The following ELAVL4 variants were observed in gnomAD, a reference collection of about 807,000 sequenced individuals.
ELAVL4 encodes the protein ELAV like RNA binding protein 4, also known as ELAV-like protein 4.
In ELAVL4, 1 loss-of-function variant was observed where a neutral mutation model predicts 35.6. That is an observed-to-expected ratio of 0.03 (90% confidence interval 0.01 to 0.13). ELAVL4 has a LOEUF of 0.13. Ranked by LOEUF, ELAVL4 falls within the 10% of genes least tolerant of loss-of-function variation. The probability of loss-of-function intolerance (pLI) is 1.00; values close to 1 mark genes in which losing one functional copy is unlikely to be tolerated. For missense variants in ELAVL4, 267 were observed against 464.9 expected (o/e 0.57, Z 3.91); for synonymous variants, 156 against 171.0 (o/e 0.91, Z 0.69).
chr1:50,189,903 G>C (rs1682410241), intron 3 of ELAVL4, among the ~76,000 whole-genome samples: 1 of 152,220 alleles, frequency 6.6e-6, no homozygotes, highest in East Asian at 1.9e-4. Flanking sequence ...CCCACAGTCA[G>C]GGATCATAAG....
intron 1 of ELAVL4, among the ~76,000 whole-genome samples, chr1:50,064,795 C>A (rs1245977504): frequency 6.6e-6 from 1 of 152,136 alleles, no homozygotes; most frequent in Non-Finnish European, 1.5e-5. Context: ...CTGTTTATTC[C>A]ATTCATTTGA....
rs552749460 is a variant in ELAVL4 at position 50,122,450 on chromosome 1, T to G, written c.9+13252T>G. Among the ~76,000 whole-genome samples, 3 of 152,240 alleles carry G rather than the reference T, an allele frequency of 2.0e-5. No individual in the cohort carries two copies. In the East Asian group the frequency reaches 5.8e-4, roughly 29 times the overall value. On this transcript the variant is annotated intron_variant, in intron 1 of 6. Transcript: ENST00000371824. ...TTATTACATTGAATTGAAGTTGGAT[T>G]AATTCTCCTCTAGGGATTAGGGAAC...
At chr1:50,164,945 G>T (rs1677475827) in intron 2 of ELAVL4, among the ~76,000 whole-genome samples, 1 of 152,180 alleles carries the variant, frequency 6.6e-6, no homozygotes, top group Non-Finnish European at 1.5e-5. Flanking sequence ...AAAGAGAAAT[G>T]AATAAAGCAG....
At chr1:50,184,948 T>C (rs1008499736) in intron 3 of ELAVL4, among the ~76,000 whole-genome samples, 4 of 152,232 alleles carry the variant, frequency 2.6e-5, no homozygotes, top group Admixed American at 2.6e-4. Context: ...TATATTTGAA[T>C]TTAAATTAAT....
At chr1:50,052,450 G>A (rs1663435382) in intron 1 of ELAVL4, among the ~76,000 whole-genome samples, 1 of 152,164 alleles carries the variant, frequency 6.6e-6, no homozygotes, top group Admixed American at 6.5e-5. Flanking sequence ...GATCAAAAAA[G>A]ACAGCTGTGC....
chr1:50,100,445 C>T (rs1665922442), upstream of ELAVL4, among the ~76,000 whole-genome samples: 1 of 152,120 alleles, frequency 6.6e-6, no homozygotes. Context: ...TCCCCCTACC[C>T]CACCTCTATT....
intron 2 of ELAVL4, among the ~76,000 whole-genome samples, chr1:50,162,761 T>G (rs1023064504): frequency 6.6e-6 from 1 of 152,150 alleles, no homozygotes; most frequent in Non-Finnish European, 1.5e-5. Flanking sequence ...TTTTTGTACT[T>G]TTTGTAGAGA....
chr1:50,127,138 A>G lies in ELAVL4; in HGVS notation c.10-17819A>G, dbSNP rs370866727. 3.2e-4 allele frequency among the ~76,000 whole-genome samples: 48 copies of G among 152,154 alleles called. 1 individual carries two copies. In the South Asian group the frequency reaches 8.5e-3, roughly 27 times the overall value. On this transcript the variant is annotated intron_variant, in intron 1 of 6. Coordinates refer to ENST00000371824, the MANE Select transcript of ELAVL4 (RefSeq NM_001144774.3). ...GAAGCCTGATGGGTTGGAGATAAGGATGTCTCCTCCTATGTCCCCGTGTGC... is the reference window on the plus strand; with the variant it reads ...GAAGCCTGATGGGTTGGAGATAAGGGTGTCTCCTCCTATGTCCCCGTGTGC...
At chr1:50,144,770 TAGAA>T (rs764417632) in intron 1 of ELAVL4, 183 bp from the exon 2 acceptor site, 7 of 868,828 alleles carry the variant, frequency 8.1e-6, no homozygotes, top group East Asian at 2.4e-5. Context: ...GGCCTAAAAA[TAGAA>T]AGAGGAGTTT....
intron 1 of ELAVL4, among the ~76,000 whole-genome samples, chr1:50,119,303 G>T (rs973575006): frequency 2.6e-5 from 4 of 151,988 alleles, no homozygotes; most frequent in African/African-American, 9.7e-5. Flanking sequence ...GTAAAAAGCG[G>T]GAGGGACTTG....
At chr1:50,088,393 T>C (rs531065998) in intron 1 of ELAVL4, among the ~76,000 whole-genome samples, 1 of 152,308 alleles carries the variant, frequency 6.6e-6, no homozygotes, top group African/African-American at 2.4e-5. Flanking sequence ...GTGTAAACCA[T>C]CTGAACCATA....
In ELAVL4 at chr1:50,059,119, C is replaced by T. The variant is rs763569866; in HGVS notation, c.18+10937C>T. Among the ~76,000 whole-genome samples the T allele has an allele frequency of 1.8e-4, 28 of 151,982 alleles. 1 individual carries two copies. Among genetic ancestry groups the T allele is most frequent in the Admixed American group, 1.3e-4 (2 of 15,240 alleles). On this transcript the variant is annotated intron_variant, in intron 1 of 6. Coordinates refer to the ELAVL4 transcript ENST00000448907. Reference sequence around the variant, plus strand: ...TAATTAGCCAACATTTATTGAGTGCCTAGTAGAGTGGTATAAATAAAAATT... The same window carrying T: ...TAATTAGCCAACATTTATTGAGTGCTTAGTAGAGTGGTATAAATAAAAATT...
At chr1:50,133,363 A>G (rs1044456680) in intron 1 of ELAVL4, among the ~76,000 whole-genome samples, 3 of 152,090 alleles carry the variant, frequency 2.0e-5, no homozygotes, top group Admixed American at 2.0e-4. Flanking sequence ...CAAATAATTC[A>G]AAGGCACACT....
intron 1 of ELAVL4, among the ~76,000 whole-genome samples, chr1:50,133,556 C>G (rs1477448909): frequency 1.5e-5 from 2 of 129,698 alleles, no homozygotes; most frequent in Non-Finnish European, 3.2e-5. Flanking sequence ...ACATTTATCT[C>G]TTATAAAAAG....
chr1:50,082,095 T>C (rs1665037197), intron 1 of ELAVL4, among the ~76,000 whole-genome samples: 1 of 152,206 alleles, frequency 6.6e-6, no homozygotes, highest in African/African-American at 2.4e-5. Flanking sequence ...GGCATTTGGG[T>C]TGGTTCCAAG....
At chr1:50,070,257 G>A (rs1664450355) in intron 1 of ELAVL4, among the ~76,000 whole-genome samples, 1 of 152,134 alleles carries the variant, frequency 6.6e-6, no homozygotes, top group South Asian at 2.1e-4. Context: ...AACTTCAAAG[G>A]CCAGAGAGGG....
At chr1:50,156,574 C>T (rs575920661) in intron 2 of ELAVL4, among the ~76,000 whole-genome samples, 3 of 152,122 alleles carry the variant, frequency 2.0e-5, no homozygotes, top group Non-Finnish European at 4.4e-5. Context: ...TGGAAACTTA[C>T]GTTTACTAAG....
rs754018830 is a variant in ELAVL4, at chr1:50,202,067, G to A, written c.*889G>A. On this transcript the variant is annotated 3_prime_UTR_variant, in exon 7 of 7. Coordinates refer to ENST00000371824, the MANE Select transcript of ELAVL4 (RefSeq NM_001144774.3). Reference sequence around the variant, plus strand: ...AAGATGTGTGTTTTAAACTGGATTCGTAGACTGTTTTTTGAAGGATGGGCT... The same window carrying A: ...AAGATGTGTGTTTTAAACTGGATTCATAGACTGTTTTTTGAAGGATGGGCT... 4.6e-5 allele frequency: 7 copies of A among 152,064 alleles called. No individual in the cohort carries two copies. Among genetic ancestry groups the A allele is most frequent in the Non-Finnish European group, 1.0e-4 (7 of 67,992 alleles). 9.4% of individuals were successfully genotyped at this position (152,064 alleles called of 1,614,324 possible).
At chr1:50,103,443 AAGAC>A (rs1666094778), upstream of ELAVL4, among the ~76,000 whole-genome samples, 1 of 152,210 alleles carries the variant, frequency 6.6e-6, no homozygotes, top group South Asian at 2.1e-4. Context: ...AGAAAAAAAA[AAGAC>A]AGAAACCAAC....
Sources: gnomAD v4.1 joint callset for allele counts (sites outside exome capture counted in the v4.1 genomes callset) on GRCh38, gnomAD v4.1.1 for gene constraint, MANE v1.5 for transcripts, NCBI Gene and HGNC (gene_info 2026-07-23, HGNC 2026-07-21) for gene names.